Variants in PRKN observed in about 807,000 individuals in gnomAD.
The protein encoded by PRKN is parkin RBR E3 ubiquitin protein ligase.
Under a neutral mutation model 59.5 loss-of-function variants are expected in PRKN, and 56 were observed. That is an observed-to-expected ratio of 0.94 (90% CI 0.76 to 1.18). The LOEUF is 1.18. Ranked by LOEUF, PRKN falls within the 50% of genes most tolerant of loss-of-function variation. The pLI, the probability that PRKN is intolerant of heterozygous loss-of-function variation, is 0.00. For missense variants in PRKN, 657 were observed against 596.4 expected (o/e 1.10, Z -1.06); for synonymous variants, 250 against 222.1 (o/e 1.13, Z -1.12).
Position 162,678,348 on chromosome 6 carries a change from C to T in PRKN, c.7+49314G>A, listed in dbSNP as rs528550718. ...GTAGAATGGCTATGTCATAAGGCAGCTGTATATTTCACTATATAAGACACT... is the reference window on the plus strand; with the variant it reads ...GTAGAATGGCTATGTCATAAGGCAGTTGTATATTTCACTATATAAGACACT... On this transcript the variant is annotated intron_variant, in intron 1 of 11. Coordinates refer to ENST00000366898, the MANE Select transcript of PRKN (RefSeq NM_004562.3). Among the ~76,000 whole-genome samples the T allele has an allele frequency of 4.6e-5, 7 of 152,252 alleles. No individual in the cohort carries two copies. In the South Asian group the frequency reaches 1.5e-3, roughly 32 times the overall value.
At chr6:162,255,553 T>C (rs970969758) in intron 3 of PRKN, among the ~76,000 whole-genome samples, 2 of 152,176 alleles carry the variant, frequency 1.3e-5, no homozygotes, top group Non-Finnish European at 1.5e-5. Context: ...TGATTCTGCA[T>C]TTCTGATAAA....
At chr6:161,439,541 C>T (rs1789091604) in intron 9 of PRKN, among the ~76,000 whole-genome samples, 1 of 152,164 alleles carries the variant, frequency 6.6e-6, no homozygotes, top group African/African-American at 2.4e-5. Context: ...CCATTAACTG[C>T]GTGGGAGCAG....
chr6:162,122,344 G>T (rs1353839982), intron 4 of PRKN, among the ~76,000 whole-genome samples: 1 of 152,198 alleles, frequency 6.6e-6, no homozygotes, highest in Non-Finnish European at 1.5e-5. Context: ...TCTCCCAGAA[G>T]GGGCCTCTTA....
chr6:162,531,057 CAAAAAAAA>C (rs1171548218), intron 1 of PRKN, among the ~76,000 whole-genome samples: 2 of 79,886 alleles, frequency 2.5e-5, no homozygotes, highest in African/African-American at 5.3e-5. Context: ...ACTCCATCTC[CAAAAAAAA>C]AAAAAAAAAA....
At chr6:162,504,586 G>A (rs1793524348) in intron 1 of PRKN, among the ~76,000 whole-genome samples, 1 of 152,078 alleles carries the variant, frequency 6.6e-6, no homozygotes, top group African/African-American at 2.4e-5. Flanking sequence ...ATATAAATGA[G>A]ACCTAAATGT....
chr6:161,750,900 T>A (rs1263653253), intron 7 of PRKN, among the ~76,000 whole-genome samples: 1 of 152,022 alleles, frequency 6.6e-6, no homozygotes, highest in African/African-American at 2.4e-5. Flanking sequence ...ATTGTATTAG[T>A]CATCGAAAAG....
At chr6:161,852,725 C>T (rs964463167) in intron 6 of PRKN, among the ~76,000 whole-genome samples, 2 of 152,146 alleles carry the variant, frequency 1.3e-5, no homozygotes, top group African/African-American at 4.8e-5. Context: ...GAATGTATGT[C>T]AGCAGATGAC....
intron 1 of PRKN, among the ~76,000 whole-genome samples, chr6:162,679,811 C>A (rs937351075): frequency 2.6e-4 from 39 of 152,018 alleles, no homozygotes; most frequent in Non-Finnish European, 4.4e-4. Context: ...TCCCTGGGTG[C>A]CCTCTCTATT....
chr6:161,881,641 C>T (rs1794940365), intron 6 of PRKN, among the ~76,000 whole-genome samples: 1 of 152,170 alleles, frequency 6.6e-6, no homozygotes, highest in Admixed American at 6.5e-5. Flanking sequence ...TTAATCGTCT[C>T]TAAGAAAACT....
At chr6:161,859,767 G>A (rs553738741) in intron 6 of PRKN, among the ~76,000 whole-genome samples, 1 of 152,232 alleles carries the variant, frequency 6.6e-6, no homozygotes, top group African/African-American at 2.4e-5. Flanking sequence ...GTCTAATGGT[G>A]TTAGAAGGCC....
intron 1 of PRKN, among the ~76,000 whole-genome samples, chr6:162,476,880 T>A (rs1423391438): frequency 6.6e-6 from 1 of 152,132 alleles, no homozygotes; most frequent in Non-Finnish European, 1.5e-5. Context: ...AGTCTTTAAT[T>A]GGCCCCAGAA....
chr6:162,476,990 A>C (rs1367038056), intron 1 of PRKN, among the ~76,000 whole-genome samples: 1 of 152,154 alleles, frequency 6.6e-6, no homozygotes, highest in Non-Finnish European at 1.5e-5. Flanking sequence ...GCCTAAGCTG[A>C]AGTCTAGCCT....
intron 4 of PRKN, among the ~76,000 whole-genome samples, chr6:162,146,316 G>A (rs1207114527): frequency 6.6e-6 from 1 of 151,912 alleles, no homozygotes; most frequent in African/African-American, 2.4e-5. Flanking sequence ...ATAATCTTTT[G>A]CATTTTTGGG....
intron 4 of PRKN, among the ~76,000 whole-genome samples, chr6:162,176,042 T>C (rs1783516195): frequency 6.6e-6 from 1 of 152,198 alleles, no homozygotes; most frequent in Non-Finnish European, 1.5e-5. Flanking sequence ...GGCAATATGG[T>C]AGTTAGAACA....
rs1784789319 is a variant in PRKN, at chr6:161,357,152, A to C, written c.1285+2936T>G. ...CTGCAAATTCCGCCTCCCAGGTTCA[A>C]GTAATTCTCCTGCCTCAGGTTCCCA... On this transcript the variant is annotated intron_variant, in intron 11 of 11. Transcript: ENST00000366898. The surrounding 1 kb of genome is among the most constrained non-coding windows in gnomAD (Gnocchi z 5.5). Among the ~76,000 whole-genome samples, 2 of 150,924 alleles carry C rather than the reference A, an allele frequency of 1.3e-5. No individual in the cohort carries two copies. Among genetic ancestry groups the C allele is most frequent in the Non-Finnish European group, 1.5e-5 (1 of 67,908 alleles).
rs75735459 is a variant in PRKN at position 161,773,046 on chromosome 6, T to C, written c.871+12726A>G. Among the ~76,000 whole-genome samples, 118 of 152,268 alleles carry C rather than the reference T, an allele frequency of 7.7e-4. 2 individuals carry two copies. In the East Asian group the frequency reaches 0.022, roughly 28 times the overall value. ...TGCTACAAAGAAAAGCAGGGAATGA[T>C]AATTATTAAGATCAGATAGTAGTTA... On this transcript the variant is annotated intron_variant, in intron 7 of 11. Transcript: ENST00000366898.
At chr6:162,612,778 C>A (rs993128481) in intron 1 of PRKN, among the ~76,000 whole-genome samples, 1 of 152,052 alleles carries the variant, frequency 6.6e-6, no homozygotes. Context: ...GGTGAAAAAT[C>A]GTGCTCCTGG....
chr6:161,730,662 G>A (rs1365062485), intron 7 of PRKN, among the ~76,000 whole-genome samples: 1 of 151,596 alleles, frequency 6.6e-6, no homozygotes, highest in Non-Finnish European at 1.5e-5. Context: ...CCGATATGTT[G>A]CATTCTTTCA....
At position 161,548,894 on chromosome 6, in the gene PRKN, C is replaced by T. The variant is rs919970556; in HGVS notation, c.1043G>A (p.Arg348Lys). Residue 348 changes from arginine (R) to lysine (K), a missense_variant, in exon 9 of 12, where the codon AGG (arginine) becomes AAG (lysine). Transcript: ENST00000366898. This position sits in a 1 kb window ranked among gnomAD's most constrained non-coding sequence, Gnocchi z 4.2. The part of the protein sequence containing the change: ...GAGLLPEPDQ[R>K]KVTCEGGNGL... ...ATTGCCCCCTTCGCAGGTGACTTTC[C>T]TCTGGTCAGGCTCCGGCAGCAGCCC... 6.8e-6 allele frequency: 11 copies of T among 1,614,188 alleles called. No homozygotes were observed. The highest frequency in any genetic ancestry group is 9.3e-6 in the Non-Finnish European group (11 of 1,180,036).
Sources: gnomAD v4.1 joint callset for allele counts (sites outside exome capture counted in the v4.1 genomes callset) on GRCh38, gnomAD v4.1.1 for gene constraint, Gnocchi (gnomAD v3.1) non-coding constraint, MANE v1.5 for transcripts, NCBI Gene and HGNC (gene_info 2026-07-23, HGNC 2026-07-21) for gene names.